PITPNM2: variants seen among roughly 807,000 people sequenced by gnomAD.
PITPNM2 encodes phosphatidylinositol transfer protein membrane associated 2, also known as membrane-associated phosphatidylinositol transfer protein 2.
A neutral mutation model predicts 132.2 loss-of-function variants in PITPNM2; 35 were observed. The ratio of observed to expected loss-of-function variants is 0.26; its 90% CI spans 0.20 to 0.35. The LOEUF is 0.35. Among genes scored for constraint, PITPNM2 ranks in the 10% least tolerant of loss-of-function variants. The pLI is 1.00. For missense variants in PITPNM2, 1,332 were observed against 1,912.0 expected (o/e 0.70, Z 5.66); for synonymous variants, 738 against 799.2 (o/e 0.92, Z 1.29).
At chr12:123,024,939 A>C (rs374008981) in intron 3 of PITPNM2, among the ~76,000 whole-genome samples, 1 of 152,168 alleles carries the variant, frequency 6.6e-6, no homozygotes, top group African/African-American at 2.4e-5. Flanking sequence ...CAAAACAAAC[A>C]GAAACCAATC....
In PITPNM2 at chr12:122,986,703, G is replaced by C; in HGVS notation, c.3540C>G (p.Gly1180=). The C allele has an allele frequency of 6.2e-7, 1 of 1,613,516 alleles. No individual in the cohort carries two copies. ...FPHGVVSFCD[G]LVHDPLRHKA... is the part of the protein sequence containing the mutation. ...TGTGCCGCAGCGGGTCATGCACCAG[G>C]CCGTCACAGAAGGACACCACGCCAT... Residue 1180 remains glycine (G), a synonymous_variant, in exon 24 of 26, where the codon GGC becomes GGG. Transcript: ENST00000320201.
In PITPNM2 at chr12:123,000,723, C is replaced by A. The variant is rs374474381; in HGVS notation, c.1224+55G>T. On this transcript the variant is annotated intron_variant, in intron 10 of 25. Coordinates refer to ENST00000320201, the MANE Select transcript of PITPNM2 (RefSeq NM_020845.3). This position sits in a 1 kb window ranked among gnomAD's most constrained non-coding sequence, Gnocchi z 5.4. ...TAACCCCTCAGACTATTCCTCTGCACCCTGCCCCTCCCTTGGCGGCCATGC... is the reference window on the plus strand; with the variant it reads ...TAACCCCTCAGACTATTCCTCTGCAACCTGCCCCTCCCTTGGCGGCCATGC... 296 of 1,576,962 alleles carry A rather than the reference C, an allele frequency of 1.9e-4. 4 individuals are homozygous for A. The highest frequency in any genetic ancestry group is 1.3e-3 in the East Asian group (60 of 44,522).
Position 123,004,767 on chromosome 12 carries a change from G to T in PITPNM2, c.953-278C>A, listed in dbSNP as rs557027692. ...TAAGCCCAGGACGTGGGGTAAGACA[G>T]GCCTGGGTCCACTCCTGGGCCTCTG... On this transcript the variant is annotated intron_variant, in intron 7 of 25. Coordinates refer to ENST00000320201, the MANE Select transcript of PITPNM2 (RefSeq NM_020845.3). This position sits in a 1 kb window ranked among gnomAD's most constrained non-coding sequence, Gnocchi z 4.9. Among the ~76,000 whole-genome samples, 1 of 152,356 alleles carries T rather than the reference G, an allele frequency of 6.6e-6. No homozygotes were observed. Among genetic ancestry groups the T allele is most frequent in the Admixed American group, 6.5e-5 (1 of 15,304 alleles).
intron 1 of PITPNM2, among the ~76,000 whole-genome samples, chr12:123,142,731 T>C (rs934703938): frequency 6.6e-6 from 1 of 152,226 alleles, no homozygotes; most frequent in Non-Finnish European, 1.5e-5. Flanking sequence ...TGCCTCCACG[T>C]CTGGCCACCC....
intron 2 of PITPNM2, among the ~76,000 whole-genome samples, 153 bp from the exon 3 acceptor site, chr12:123,034,838 C>G (rs1046560307): frequency 4.6e-5 from 7 of 152,210 alleles, no homozygotes; most frequent in African/African-American, 1.4e-4. Context: ...CAGGTTCTCT[C>G]CTTTCCAACC....
intron 3 of PITPNM2, among the ~76,000 whole-genome samples, chr12:123,025,577 C>T (rs2039834550): frequency 6.6e-6 from 1 of 151,994 alleles, no homozygotes; most frequent in Non-Finnish European, 1.5e-5. Context: ...GGATTACAGG[C>T]ATGAGCCACC....
intron 2 of PITPNM2, chr12:123,075,498 C>G (rs1453188296): frequency 1.3e-5 from 2 of 152,262 alleles, no homozygotes; most frequent in East Asian, 3.8e-4. Context: ...TGGGGTCTGT[C>G]TGAACCACAG....
Position 122,994,481 on chromosome 12 carries a change from C to T in PITPNM2, c.2233+320G>A, listed in dbSNP as rs999892225. Among the ~76,000 whole-genome samples the T allele has an allele frequency of 3.3e-5, 5 of 152,142 alleles. No homozygotes were observed. Among genetic ancestry groups the T allele is most frequent in the Admixed American group, 6.5e-5 (1 of 15,278 alleles). ...CTCTCCCTATGGGAGGACCTTGGAC[C>T]TGGGAGGCTGGGTCTGTCTCCATCT... is the stretch of plus-strand genomic sequence containing the variant. On this transcript the variant is annotated intron_variant, in intron 15 of 25. Coordinates refer to ENST00000320201, the MANE Select transcript of PITPNM2 (RefSeq NM_020845.3). The surrounding 1 kb of genome is among the most constrained non-coding windows in gnomAD (Gnocchi z 5.4).
At chr12:123,130,471 G>A (rs1239663108) in intron 1 of PITPNM2, among the ~76,000 whole-genome samples, 1 of 152,110 alleles carries the variant, frequency 6.6e-6, no homozygotes, top group Non-Finnish European at 1.5e-5. Flanking sequence ...GGCTCCAAGG[G>A]GAAGGGGAAG....
chr12:123,061,080 C>T (rs140591266), intron 2 of PITPNM2, among the ~76,000 whole-genome samples: 5 of 151,866 alleles, frequency 3.3e-5, no homozygotes, highest in African/African-American at 9.7e-5. Flanking sequence ...ACCCATGCAT[C>T]CATCCACCCA....
intron 2 of PITPNM2, among the ~76,000 whole-genome samples, chr12:123,037,418 CACAGCAGGTGCTTGG>C (rs1248462354): frequency 6.6e-6 from 1 of 152,224 alleles, no homozygotes; most frequent in Non-Finnish European, 1.5e-5. Flanking sequence ...ACTAGGAAGG[CACAGCAGGTGCTTGG>C]TGTGAAGCAG....
At chr12:123,032,202 G>C (rs1246455680) in intron 3 of PITPNM2, among the ~76,000 whole-genome samples, 1 of 152,230 alleles carries the variant, frequency 6.6e-6, no homozygotes, top group Non-Finnish European at 1.5e-5. Flanking sequence ...GAAGTGGCTG[G>C]GCATCGTGGC....
rs1190426610 is a variant in PITPNM2 at position 123,022,116 on chromosome 12, G to A, written c.79-8074C>T. On this transcript the variant is annotated intron_variant, in intron 3 of 25. Coordinates refer to ENST00000320201, the MANE Select transcript of PITPNM2 (RefSeq NM_020845.3). This position sits in a 1 kb window ranked among gnomAD's most constrained non-coding sequence, Gnocchi z 4.9. ...CAGGCCTGGAAAACCCTTCATTTCC[G>A]GTGCTCAGAGGCTCCCGGTACAGCC... Among the ~76,000 whole-genome samples, 1 of 152,148 alleles carries A rather than the reference G, an allele frequency of 6.6e-6. No homozygotes were observed. Among genetic ancestry groups the A allele is most frequent in the Non-Finnish European group, 1.5e-5 (1 of 68,038 alleles).
intron 1 of PITPNM2, among the ~76,000 whole-genome samples, chr12:123,119,280 T>C (rs1566300947): frequency 6.6e-6 from 1 of 151,988 alleles, no homozygotes. Context: ...AGCTTTGTCA[T>C]GCTCGGGAGG....
chr12:123,104,886 C>T (rs188117620), intron 2 of PITPNM2, among the ~76,000 whole-genome samples: 3 of 152,138 alleles, frequency 2.0e-5, no homozygotes, highest in African/African-American at 7.2e-5. Context: ...TAGCCAGAAA[C>T]CATCCTTTTA....
At chr12:123,063,674 C>T (rs960917419) in intron 2 of PITPNM2, among the ~76,000 whole-genome samples, 3 of 152,092 alleles carry the variant, frequency 2.0e-5, no homozygotes, top group African/African-American at 4.8e-5. Flanking sequence ...GCAGCCCCCA[C>T]GAGACCAGGC....
At chr12:123,146,084 T>C (rs539906281) in intron 1 of PITPNM2, among the ~76,000 whole-genome samples, 8 of 152,202 alleles carry the variant, frequency 5.3e-5, no homozygotes, top group African/African-American at 1.9e-4. Context: ...AAGTTCTTAC[T>C]TATAAGTGGG....
intron 1 of PITPNM2, among the ~76,000 whole-genome samples, chr12:123,148,960 G>A (rs2043674317): frequency 6.6e-6 from 1 of 152,144 alleles, no homozygotes; most frequent in Non-Finnish European, 1.5e-5. Flanking sequence ...GCCTTTGAAA[G>A]CCTCTAGGTA....
intron 22 of PITPNM2, 38 bp downstream of exon 22, chr12:122,987,473 C>T (rs780085508): frequency 7.4e-6 from 12 of 1,611,108 alleles, no homozygotes; most frequent in Admixed American, 3.3e-5. Context: ...CCCAGAGCCT[C>T]GCCCTGCCTA....
Sources: allele counts gnomAD v4.1 joint callset (sites outside exome capture counted in the v4.1 genomes callset), GRCh38; gene constraint gnomAD v4.1.1; non-coding constraint Gnocchi (gnomAD v3.1); transcripts MANE v1.5; gene names NCBI Gene and HGNC (gene_info 2026-07-23, HGNC 2026-07-21).